UBR3: variants seen among roughly 807,000 people sequenced by gnomAD.
UBR3 encodes ubiquitin protein ligase E3 component n-recognin 3.
A neutral mutation model predicts 243.2 loss-of-function variants in UBR3; 85 were observed. The ratio of observed to expected loss-of-function variants is 0.35; its 90% CI spans 0.29 to 0.42. UBR3 has a LOEUF of 0.42. Ranked by LOEUF, UBR3 falls within the 10% of genes least tolerant of loss-of-function variation. The pLI, the probability that UBR3 is intolerant of heterozygous loss-of-function variation, is 1.00. For missense variants in UBR3, 1,686 were observed against 2,300.8 expected (o/e 0.73, Z 5.47); for synonymous variants, 748 against 799.8 (o/e 0.94, Z 1.09).
At chr2:169,841,623 C>G (rs1423507123) in intron 1 of UBR3, among the ~76,000 whole-genome samples, 1 of 152,200 alleles carries the variant, frequency 6.6e-6, no homozygotes, top group African/African-American at 2.4e-5. Flanking sequence ...GCCCTGCACT[C>G]GGAGCAGCCA....
At chr2:170,036,654 G>C (rs568300999) in intron 31 of UBR3, among the ~76,000 whole-genome samples, 1 of 152,116 alleles carries the variant, frequency 6.6e-6, no homozygotes, top group Admixed American at 6.5e-5. Flanking sequence ...CATTCTTTGT[G>C]AATGATATAT....
chr2:170,013,607 A>G (rs540228519), intron 29 of UBR3, among the ~76,000 whole-genome samples: 2 of 152,256 alleles, frequency 1.3e-5, no homozygotes, highest in South Asian at 4.1e-4. Context: ...ATTCTTTACA[A>G]TGAAATTCTT....
intron 38 of UBR3, 37 bp downstream of exon 38, chr2:170,080,721 A>G: frequency 6.3e-7 from 1 of 1,594,486 alleles, no homozygotes; most frequent in Non-Finnish European, 8.5e-7. Context: ...TGTTTTATTG[A>G]AATTTGGTCA....
Position 169,834,808 on chromosome 2 carries a change from G to C in UBR3, c.545+6756G>C, listed in dbSNP as rs774544705. Among the ~76,000 whole-genome samples, 8 of 152,282 alleles carry C rather than the reference G, an allele frequency of 5.3e-5. No individual in the cohort carries two copies. The South Asian group carries it at 6.2e-4, about 12-fold the overall frequency. ...TGGGTAAGCAATATGTGGAATATAC[G>C]TACAATGGAATATTTAACCTTAAAA... On this transcript the variant is annotated intron_variant, in intron 1 of 38. Coordinates refer to ENST00000272793, the MANE Select transcript of UBR3 (RefSeq NM_172070.4).
intron 36 of UBR3, 97 bp downstream of exon 36, chr2:170,073,704 A>G (rs941367404): frequency 7.8e-7 from 1 of 1,286,664 alleles, no homozygotes; most frequent in East Asian, 2.6e-5. Context: ...TCTGTTTTTG[A>G]CAGCAATTAT....
At chr2:169,998,013 TTGTC>T (rs2105397513) in intron 26 of UBR3, among the ~76,000 whole-genome samples, 1 of 152,350 alleles carries the variant, frequency 6.6e-6, no homozygotes, top group South Asian at 2.1e-4. Flanking sequence ...GTCTAGGAAT[TTGTC>T]TGTCTCCTGC....
chr2:170,064,638 A>T (rs2091517869), intron 35 of UBR3, among the ~76,000 whole-genome samples: 1 of 151,764 alleles, frequency 6.6e-6, no homozygotes, highest in Non-Finnish European at 1.5e-5. Context: ...TTTTGGACTG[A>T]TTTTTCATGG....
chr2:170,022,608 G>T (rs1438287045), intron 30 of UBR3, among the ~76,000 whole-genome samples: 1 of 151,968 alleles, frequency 6.6e-6, no homozygotes, highest in Non-Finnish European at 1.5e-5. Context: ...GAGGATGATG[G>T]TACTTATACT....
At chr2:170,041,970 C>T (rs1384288789) in intron 32 of UBR3, among the ~76,000 whole-genome samples, 1 of 152,028 alleles carries the variant, frequency 6.6e-6, no homozygotes, top group Non-Finnish European at 1.5e-5. Flanking sequence ...TAAAATAAAA[C>T]TTACCATTTA....
rs1484452080 is a variant in UBR3, at chr2:169,877,617, C to G, written c.968C>G (p.Thr323Ser). Residue 323 changes from threonine to serine, a missense_variant, in exon 4 of 39, where the codon ACT (threonine) becomes AGT (serine). Physicochemically the swap from Thr to Ser is moderately conservative, Grantham distance 58. Coordinates refer to ENST00000272793, the MANE Select transcript of UBR3 (RefSeq NM_172070.4). ...GGTGTGCAGGAGCCATCTGCTGGTACTAGTTCTCTGGCTGTTCAAGGTTTG... is the reference window on the plus strand; with the variant it reads ...GGTGTGCAGGAGCCATCTGCTGGTAGTAGTTCTCTGGCTGTTCAAGGTTTG... ...VYGVQEPSAG[T>S]SSLAVQGFIG... 1.9e-6 allele frequency: 3 copies of G among 1,545,536 alleles called. No individual in the cohort carries two copies. The African/African-American group carries it at 4.1e-5, about 21-fold the overall frequency.
intron 35 of UBR3, among the ~76,000 whole-genome samples, chr2:170,067,210 A>G (rs940156507): frequency 6.6e-6 from 1 of 152,124 alleles, no homozygotes; most frequent in African/African-American, 2.4e-5. Context: ...GTTTCCTATC[A>G]TAAGCTGGAA....
At chr2:169,895,486 G>C (rs1183328394) in intron 7 of UBR3, among the ~76,000 whole-genome samples, 175 bp downstream of exon 7, 1 of 152,180 alleles carries the variant, frequency 6.6e-6, no homozygotes, top group African/African-American at 2.4e-5. Flanking sequence ...TCTTAGCTTT[G>C]TGGCAAAGCA....
At chr2:170,029,296 C>G in intron 30 of UBR3, 50 bp from the exon 31 acceptor site, 1 of 1,443,150 alleles carries the variant, frequency 6.9e-7, no homozygotes, top group Non-Finnish European at 9.4e-7. Flanking sequence ...GAATTTTGTT[C>G]TGTAACAAAT....
At chr2:170,040,031 G>A (rs2090927721) in intron 31 of UBR3, among the ~76,000 whole-genome samples, 1 of 151,916 alleles carries the variant, frequency 6.6e-6, no homozygotes, top group African/African-American at 2.4e-5. Flanking sequence ...CACCACATCT[G>A]GCCCTTTTAT....
chr2:169,983,708 G>A (rs1009146291), intron 24 of UBR3, among the ~76,000 whole-genome samples: 3 of 152,166 alleles, frequency 2.0e-5, no homozygotes, highest in African/African-American at 7.2e-5. Flanking sequence ...CCATCTTGCG[G>A]TCATTTGGCT....
chr2:169,951,440 G>A (rs1396061556), intron 23 of UBR3, among the ~76,000 whole-genome samples: 1 of 152,166 alleles, frequency 6.6e-6, no homozygotes, highest in Non-Finnish European at 1.5e-5. Flanking sequence ...TGTGTCTGGT[G>A]TTGGACTTCC....
At chr2:169,859,696 TTTTATTTATTTA>T (rs140176382) in intron 1 of UBR3, among the ~76,000 whole-genome samples, 97 of 148,334 alleles carry the variant, frequency 6.5e-4, no homozygotes, top group African/African-American at 1.4e-3. Flanking sequence ...ATTGCTGATA[TTTTATTTATTTA>T]TTTATTTATT....
chr2:169,859,928 A>G (rs182973469), intron 1 of UBR3, among the ~76,000 whole-genome samples: 92 of 152,074 alleles, frequency 6.0e-4, no homozygotes, highest in African/African-American at 2.1e-3. Context: ...CATGTTGGCC[A>G]AGATGTTCTG....
chr2:170,081,674 T>C (rs891218338), intron 38 of UBR3, 52 bp from the exon 39 acceptor site: 37 of 1,323,518 alleles, frequency 2.8e-5, no homozygotes, highest in Middle Eastern at 1.9e-4. Flanking sequence ...AAGAAATGCA[T>C]GTGAAATCTT....
Sources: gnomAD v4.1 joint callset for allele counts (sites outside exome capture counted in the v4.1 genomes callset) on GRCh38, gnomAD v4.1.1 for gene constraint, MANE v1.5 for transcripts, NCBI Gene and HGNC (gene_info 2026-07-23, HGNC 2026-07-21) for gene names.